The following SMARCA2 variants were observed in gnomAD, a reference collection of about 807,000 sequenced individuals.
The protein encoded by SMARCA2 is SWI/SNF related BAF chromatin remodeling complex subunit ATPase 2, also known as SWI/SNF-related matrix-associated actin-dependent regulator of chromatin subfamily A member 2.
SMARCA2 carries 61 observed loss-of-function variants against 199.8 expected under a neutral mutation model. The ratio of observed to expected loss-of-function variants is 0.31; its 90% CI spans 0.25 to 0.38. SMARCA2 has a LOEUF of 0.38. Ranked by LOEUF, SMARCA2 falls within the 10% of genes least tolerant of loss-of-function variation. SMARCA2 has a pLI of 1.00. For missense variants in SMARCA2, 1,344 were observed against 2,012.2 expected, an observed-to-expected ratio of 0.67 and a Z score of 6.35; for synonymous variants, 935 against 732.0, an observed-to-expected ratio of 1.28 and a Z score of -4.48.
chr9:2,062,245 T>C (rs1820625988), intron 9 of SMARCA2, among the ~76,000 whole-genome samples: 1 of 152,228 alleles, frequency 6.6e-6, no homozygotes, highest in South Asian at 2.1e-4. Context: ...AAGGAATTAC[T>C]GACATATTGA....
At chr9:2,127,130 A>T (rs1478985046) in intron 27 of SMARCA2, among the ~76,000 whole-genome samples, 2 of 151,688 alleles carry the variant, frequency 1.3e-5, no homozygotes, top group Non-Finnish European at 2.9e-5. Flanking sequence ...TCACAGATAA[A>T]TATTAATTGC....
At chr9:2,029,366 T>G in intron 2 of SMARCA2, 119 bp downstream of exon 2, 2 of 1,366,258 alleles carry the variant, frequency 1.5e-6, no homozygotes, top group Non-Finnish European at 1.0e-6. Flanking sequence ...ATCTTTGTCT[T>G]GTATATCTCA....
intron 29 of SMARCA2, among the ~76,000 whole-genome samples, chr9:2,178,596 G>T (rs1264803701): frequency 6.6e-6 from 1 of 151,940 alleles, no homozygotes; most frequent in Non-Finnish European, 1.5e-5. Context: ...GCAGGGTGGT[G>T]CATAGAAAAC....
intron 28 of SMARCA2, among the ~76,000 whole-genome samples, chr9:2,164,092 C>T (rs1197076213): frequency 6.6e-6 from 1 of 152,160 alleles, no homozygotes; most frequent in Non-Finnish European, 1.5e-5. Context: ...TTGTCACAAT[C>T]CCCGTCACTC....
In SMARCA2 at chr9:2,123,706, T is replaced by C. The variant is rs923271387; in HGVS notation, c.3763-13T>C. ...GCCCTGACTTTCGGTGACCCTCTTATTAATGTCTCCAGCGGATGGACATGG... is the reference window on the plus strand; with the variant it reads ...GCCCTGACTTTCGGTGACCCTCTTACTAATGTCTCCAGCGGATGGACATGG... On this transcript the variant is annotated splice_polypyrimidine_tract_variant and intron_variant, in intron 26 of 33. Transcript: ENST00000349721. This position sits in a 1 kb window ranked among gnomAD's most constrained non-coding sequence, Gnocchi z 4.1. 6.2e-7 allele frequency: 1 copy of C among 1,613,030 alleles called. No homozygotes were observed. Among genetic ancestry groups the C allele is most frequent in the Non-Finnish European group, 8.5e-7 (1 of 1,179,218 alleles).
chr9:2,126,300 T>G (rs1022329161), intron 27 of SMARCA2, among the ~76,000 whole-genome samples: 1 of 152,284 alleles, frequency 6.6e-6, no homozygotes, highest in African/African-American at 2.4e-5. Flanking sequence ...AACAGCTTTA[T>G]TGTAACGTAT....
chr9:2,039,316 G>T lies in SMARCA2; in HGVS notation c.356-150G>T, dbSNP rs1341978233. ...TATAAAGCACATATTGATATGTAAA[G>T]ATCTTAAACTCCATATAATTAATAA... On this transcript the variant is annotated intron_variant, in intron 3 of 33. Transcript: ENST00000349721. This position sits in a 1 kb window ranked among gnomAD's most constrained non-coding sequence, Gnocchi z 4.8. 1.1e-5 allele frequency: 8 copies of T among 699,654 alleles called. No individual in the cohort carries two copies. The highest frequency in any genetic ancestry group is 2.8e-5 in the East Asian group (1 of 35,834). The allele number at this position is 699,654 out of a possible 1,614,324, so 43.3% of individuals were successfully genotyped here.
At chr9:2,044,391 C>T (rs1819743977) in intron 4 of SMARCA2, 1 of 152,202 alleles carries the variant, frequency 6.6e-6, no homozygotes. Context: ...ACTGTTGAAA[C>T]ACTTAGAAAT....
At chr9:2,160,044 C>T in intron 27 of SMARCA2, 1 of 1,154,536 alleles carries the variant, frequency 8.7e-7, no homozygotes, top group Non-Finnish European at 1.2e-6. Context: ...AGAGCAATAC[C>T]ATTAACTGTT....
rs543050698 is a variant in SMARCA2 at position 2,159,337 on chromosome 9, A to C, written c.3982-2349A>C. ...AAAGAGCAGAATAACATATTATGTTAAAATATTTGAATCTTAGAACATGTA... is the reference window on the plus strand; with the variant it reads ...AAAGAGCAGAATAACATATTATGTTCAAATATTTGAATCTTAGAACATGTA... On this transcript the variant is annotated intron_variant, in intron 27 of 33. Coordinates refer to ENST00000349721, the MANE Select transcript of SMARCA2 (RefSeq NM_003070.5). The C allele has an allele frequency of 2.1e-4, 54 of 252,180 alleles. 3 individuals are homozygous for C. In the South Asian group the frequency reaches 4.7e-3, roughly 22 times the overall value. 15.6% of individuals were successfully genotyped at this position (252,180 alleles called of 1,614,324 possible). A position where few individuals can be genotyped will look rare whatever the true frequency, so the allele number is the denominator to read the frequency against.
At chr9:2,083,537 TA>T (rs1821660632) in intron 16 of SMARCA2, 124 bp downstream of exon 16, 1 of 582,158 alleles carries the variant, frequency 1.7e-6, no homozygotes, top group African/African-American at 1.9e-5. Context: ...CATCATGTAC[TA>T]AACCGTGAGA....
At chr9:2,146,546 G>A (rs376717617) in intron 27 of SMARCA2, among the ~76,000 whole-genome samples, 1 of 152,148 alleles carries the variant, frequency 6.6e-6, no homozygotes, top group Non-Finnish European at 1.5e-5. Context: ...TCCCAAGAGA[G>A]GGTTCTTGAA....
At chr9:2,064,371 A>G (rs910457982) in intron 9 of SMARCA2, among the ~76,000 whole-genome samples, 8 of 152,250 alleles carry the variant, frequency 5.3e-5, no homozygotes, top group African/African-American at 1.9e-4. Context: ...TGTCTACCCC[A>G]TAGATTTGTA....
At chr9:2,084,708 C>G (rs984517428) in intron 17 of SMARCA2, among the ~76,000 whole-genome samples, 1 of 151,964 alleles carries the variant, frequency 6.6e-6, no homozygotes, top group African/African-American at 2.4e-5. Context: ...TCAGGTTTTT[C>G]CTGGTGAAAT....
At chr9:2,186,524 G>C (rs867239320) in intron 32 of SMARCA2, among the ~76,000 whole-genome samples, 1 of 151,974 alleles carries the variant, frequency 6.6e-6, no homozygotes, top group South Asian at 2.1e-4. Context: ...TTTGAGACAG[G>C]GTCTCACTCT....
chr9:2,089,192 G>A (rs565165879), intron 19 of SMARCA2, among the ~76,000 whole-genome samples: 4 of 152,114 alleles, frequency 2.6e-5, no homozygotes, highest in East Asian at 3.9e-4. Flanking sequence ...AGTATTTTTC[G>A]GACTAACTTT....
intron 20 of SMARCA2, chr9:2,097,106 G>A: frequency 2.1e-6 from 1 of 486,932 alleles, no homozygotes; most frequent in Non-Finnish European, 3.7e-6. Flanking sequence ...GTGTTCCGGA[G>A]TCCTACGGAA....
chr9:2,060,711 C>G, intron 8 of SMARCA2, 105 bp from the exon 9 acceptor site: 1 of 1,070,100 alleles, frequency 9.3e-7, no homozygotes, highest in East Asian at 2.5e-5. Context: ...GTTTGCTACA[C>G]TCCTACCAGT....
chr9:2,032,896 A>T, intron 2 of SMARCA2, 56 bp from the exon 3 acceptor site: 1 of 1,542,320 alleles, frequency 6.5e-7, no homozygotes, highest in South Asian at 1.2e-5. Context: ...GAAAACTCCA[A>T]ATAGAAATAT....
Sources: gnomAD v4.1 joint callset for allele counts (sites outside exome capture counted in the v4.1 genomes callset) on GRCh38, gnomAD v4.1.1 for gene constraint, Gnocchi (gnomAD v3.1) non-coding constraint, MANE v1.5 for transcripts, NCBI Gene and HGNC (gene_info 2026-07-23, HGNC 2026-07-21) for gene names.